The following PALM2AKAP2 variants were observed in gnomAD, a reference collection of about 807,000 sequenced individuals.
The protein encoded by PALM2AKAP2 is PALM2-AKAP2 fusion protein.
A neutral mutation model predicts 71.5 loss-of-function variants in PALM2AKAP2; 37 were observed. The observed-to-expected ratio is 0.52, with a 90% CI of 0.40 to 0.68. The LOEUF is 0.68. Among genes scored for constraint, PALM2AKAP2 ranks in the 30% least tolerant of loss-of-function variants. The pLI is 0.00. For synonymous variants in PALM2AKAP2, 468 were observed against 478.8 expected (o/e 0.98, Z 0.29); for missense variants, 1,224 against 1,191.8 (o/e 1.03, Z -0.40).
chr9:110,057,115 C>T (rs988685617), intron 1 of PALM2AKAP2, among the ~76,000 whole-genome samples: 1 of 152,038 alleles, frequency 6.6e-6, no homozygotes, highest in Non-Finnish European at 1.5e-5. Flanking sequence ...TCTTGAGTGT[C>T]GGCTGGTAAG....
At chr9:110,059,881 G>A (rs1454456911) in intron 1 of PALM2AKAP2, among the ~76,000 whole-genome samples, 1 of 152,222 alleles carries the variant, frequency 6.6e-6, no homozygotes, top group East Asian at 1.9e-4. Context: ...CTCAGAAAGG[G>A]AAGATTTGGC....
At chr9:109,718,641 C>T (rs546370670) in intron 1 of PALM2AKAP2, among the ~76,000 whole-genome samples, 8 of 152,054 alleles carry the variant, frequency 5.3e-5, no homozygotes, top group Non-Finnish European at 1.2e-4. Flanking sequence ...AGAGAAGTCT[C>T]ATATGCCCCT....
chr9:109,953,220 C>T lies in PALM2AKAP2; in HGVS notation c.496+21192C>T, dbSNP rs552902105. ...TCTCATCATGGAGGGCAAATGATTA[C>T]CAGATGAACTCTAAATATAGCAGGA... On this transcript the variant is annotated intron_variant, in intron 6 of 9. Transcript: ENST00000302798. Among the ~76,000 whole-genome samples the T allele has an allele frequency of 5.9e-5, 9 of 152,190 alleles. No homozygotes were observed. In the South Asian group the frequency reaches 1.7e-3, roughly 28 times the overall value.
At chr9:109,823,305 A>C (rs772156371) in intron 1 of PALM2AKAP2, among the ~76,000 whole-genome samples, 2 of 152,104 alleles carry the variant, frequency 1.3e-5, no homozygotes, top group Non-Finnish European at 2.9e-5. Flanking sequence ...ACATGGGAGG[A>C]TATGGTTCTG....
intron 1 of PALM2AKAP2, among the ~76,000 whole-genome samples, chr9:109,679,674 C>T (rs1338524504): frequency 6.6e-6 from 1 of 152,096 alleles, no homozygotes; most frequent in Non-Finnish European, 1.5e-5. Context: ...CTTAGTCTAG[C>T]CCCAGGTATG....
chr9:110,063,006 C>G (rs946275143), intron 1 of PALM2AKAP2, among the ~76,000 whole-genome samples: 8 of 152,162 alleles, frequency 5.3e-5, no homozygotes, highest in African/African-American at 1.9e-4. Context: ...GTCACCCAGG[C>G]CCTGCCAGAC....
chr9:109,759,407 A>T (rs1192948168), intron 1 of PALM2AKAP2, among the ~76,000 whole-genome samples: 1 of 152,160 alleles, frequency 6.6e-6, no homozygotes, highest in Non-Finnish European at 1.5e-5. Flanking sequence ...TGGCATCAAA[A>T]CGGTGATTCT....
chr9:110,125,613 G>A (rs531833033), intron 1 of PALM2AKAP2: 1 of 984,368 alleles, frequency 1.0e-6, no homozygotes. Context: ...CAAGTCTGCT[G>A]ACTTATCTTC....
intron 2 of PALM2AKAP2, among the ~76,000 whole-genome samples, chr9:110,152,144 G>A (rs1172581085): frequency 6.6e-6 from 1 of 152,174 alleles, no homozygotes; most frequent in Non-Finnish European, 1.5e-5. Flanking sequence ...GGCTGAGGCA[G>A]GAGAATCGCT....
At chr9:110,002,288 T>C (rs536634144) in intron 6 of PALM2AKAP2, among the ~76,000 whole-genome samples, 203 of 152,286 alleles carry the variant, frequency 1.3e-3, no homozygotes, top group Middle Eastern at 6.8e-3. Context: ...GTTTTTGTCA[T>C]TGGTTCTGTT....
chr9:110,047,818 C>T (rs374041819), upstream of PALM2AKAP2, among the ~76,000 whole-genome samples: 21 of 152,256 alleles, frequency 1.4e-4, no homozygotes, highest in African/African-American at 5.1e-4. Flanking sequence ...GATTTCTAGA[C>T]GGTTCATTTT....
intron 3 of PALM2AKAP2, among the ~76,000 whole-genome samples, chr9:110,167,828 G>T: frequency 6.6e-6 from 1 of 151,966 alleles, no homozygotes; most frequent in South Asian, 2.1e-4. Context: ...ATTATTTTCT[G>T]GTTTGCTTGT....
intron 1 of PALM2AKAP2, among the ~76,000 whole-genome samples, chr9:109,757,692 G>A (rs1461460486): frequency 2.0e-5 from 3 of 151,864 alleles, no homozygotes; most frequent in Non-Finnish European, 4.4e-5. Flanking sequence ...ACCAACACGA[G>A]GTCTTCGACA....
chr9:109,782,489 AT>A (rs1269352875), intron 1 of PALM2AKAP2, among the ~76,000 whole-genome samples: 8 of 152,190 alleles, frequency 5.3e-5, no homozygotes, highest in Non-Finnish European at 1.2e-4. Flanking sequence ...TCTTGTCACC[AT>A]TCCCTAAATA....
At chr9:109,865,058 G>A (rs73655599) in intron 1 of PALM2AKAP2, among the ~76,000 whole-genome samples, 1,949 of 130,930 alleles carry the variant, frequency 0.015, 41 homozygotes, top group African/African-American at 0.054. Flanking sequence ...TGCTTGGAAT[G>A]TATTGCCCAT....
chr9:109,751,452 T>TGCCATCCGC (rs913122546), intron 1 of PALM2AKAP2, among the ~76,000 whole-genome samples: 1 of 152,190 alleles, frequency 6.6e-6, no homozygotes, highest in African/African-American at 2.4e-5. Flanking sequence ...TGCTTTTCTT[T>TGCCATCCGC]GCCATCCGCG....
At chr9:109,668,587 C>G (rs1271109570) in intron 1 of PALM2AKAP2, among the ~76,000 whole-genome samples, 1 of 152,188 alleles carries the variant, frequency 6.6e-6, no homozygotes, top group African/African-American at 2.4e-5. Flanking sequence ...GTGCAGGATA[C>G]ATAAAAGGAA....
chr9:109,745,366 A>T (rs1828783134), intron 1 of PALM2AKAP2, among the ~76,000 whole-genome samples: 1 of 152,146 alleles, frequency 6.6e-6, no homozygotes, highest in East Asian at 1.9e-4. Flanking sequence ...ATAAAAAAAA[A>T]TAAAAATAAG....
At chr9:110,033,216 A>C (rs1246539065) in intron 7 of PALM2AKAP2, among the ~76,000 whole-genome samples, 1 of 152,236 alleles carries the variant, frequency 6.6e-6, no homozygotes, top group Non-Finnish European at 1.5e-5. Context: ...GTATCCCATG[A>C]GTGACACAGG....
Sources: gnomAD v4.1 joint callset for allele counts (sites outside exome capture counted in the v4.1 genomes callset) on GRCh38, gnomAD v4.1.1 for gene constraint, MANE v1.5 for transcripts, NCBI Gene and HGNC (gene_info 2026-07-23, HGNC 2026-07-21) for gene names.